The following ERGIC1 variants were observed in gnomAD, a reference collection of about 807,000 sequenced individuals.
ERGIC1 encodes the protein endoplasmic reticulum-Golgi intermediate compartment protein 1.
ERGIC1 carries 19 observed loss-of-function variants against 38.3 expected under a neutral mutation model. The ratio of observed to expected loss-of-function variants is 0.50; its 90% CI spans 0.35 to 0.73. The LOEUF (loss-of-function observed/expected upper bound fraction) is 0.73. ERGIC1 is among the 30% of genes least tolerant of loss of function. The pLI is 0.01. For synonymous variants in ERGIC1, 124 were observed against 157.6 expected (o/e 0.79, Z 1.60); for missense variants, 294 against 389.2 (o/e 0.76, Z 2.06).
In ERGIC1 at chr5:172,909,776, C is replaced by T; in HGVS notation, c.250+15C>T. The T allele has an allele frequency of 1.2e-6, 2 of 1,609,606 alleles. No individual in the cohort carries two copies. The highest frequency in any genetic ancestry group is 1.7e-6 in the Non-Finnish European group (2 of 1,175,856). ...GCACTGCGAGTGTGAGTACTCCACGCAGCCCCTCCCTCCAGCAGGACACCT... is the reference window on the plus strand; with the variant it reads ...GCACTGCGAGTGTGAGTACTCCACGTAGCCCCTCCCTCCAGCAGGACACCT... On this transcript the variant is annotated intron_variant, in intron 4 of 9. Transcript: ENST00000393784.
At chr5:172,936,827 G>A (rs1763895595) in intron 9 of ERGIC1, 1 of 151,974 alleles carries the variant, frequency 6.6e-6, no homozygotes, top group African/African-American at 2.4e-5. Context: ...GTGAAGGCTT[G>A]TCTCTAAGAA....
chr5:172,865,200 G>A (rs984986357), intron 1 of ERGIC1, among the ~76,000 whole-genome samples: 10 of 151,486 alleles, frequency 6.6e-5, no homozygotes, highest in Admixed American at 5.9e-4. Context: ...GATTACAGGC[G>A]CCCGCCACTA....
At chr5:172,939,783 C>G (rs1165001825) in intron 9 of ERGIC1, among the ~76,000 whole-genome samples, 1 of 152,198 alleles carries the variant, frequency 6.6e-6, no homozygotes, top group Non-Finnish European at 1.5e-5. Flanking sequence ...GCCGGCTGTC[C>G]CTGGCAGATG....
Position 172,834,387 on chromosome 5 carries a change from A to T in ERGIC1, c.-27A>T. On this transcript the variant is annotated 5_prime_UTR_variant, in exon 1 of 10. Coordinates refer to ENST00000393784, the MANE Select transcript of ERGIC1 (RefSeq NM_001031711.3). The surrounding 1 kb of genome is among the most constrained non-coding windows in gnomAD (Gnocchi z 4.1). ...CGGCGCCGCGGCCCGCCTGGCCTGCAGCGCTCCCACCCCCGGCGGCGGCAC... is the reference window on the plus strand; with the variant it reads ...CGGCGCCGCGGCCCGCCTGGCCTGCTGCGCTCCCACCCCCGGCGGCGGCAC... The T allele has an allele frequency of 2.3e-6, 3 of 1,312,824 alleles. No homozygotes were observed. Among genetic ancestry groups the T allele is most frequent in the South Asian group, 2.2e-5 (1 of 46,500 alleles). 81.3% of individuals were successfully genotyped at this position (1,312,824 alleles called of 1,614,324 possible). A position where few individuals can be genotyped will look rare whatever the true frequency, so the allele number is the denominator to read the frequency against.
chr5:172,877,749 C>T (rs1235662342), intron 1 of ERGIC1, among the ~76,000 whole-genome samples: 3 of 152,100 alleles, frequency 2.0e-5, no homozygotes, highest in African/African-American at 7.2e-5. Flanking sequence ...TGGATGACCT[C>T]CCGTCATTTG....
At chr5:172,861,986 T>A (rs1017040845) in intron 1 of ERGIC1, among the ~76,000 whole-genome samples, 6 of 151,874 alleles carry the variant, frequency 4.0e-5, no homozygotes, top group Non-Finnish European at 7.4e-5. Flanking sequence ...TTATTTATTT[T>A]TTAATTTTAT....
chr5:172,900,421 A>AG (rs1762841636), intron 3 of ERGIC1, among the ~76,000 whole-genome samples: 1 of 151,984 alleles, frequency 6.6e-6, no homozygotes, highest in African/African-American at 2.4e-5. Context: ...GAGGGGAGGA[A>AG]GGGGGCCAGG....
At chr5:172,870,868 CT>C (rs1761987721) in intron 1 of ERGIC1, among the ~76,000 whole-genome samples, 1 of 152,178 alleles carries the variant, frequency 6.6e-6, no homozygotes, top group Non-Finnish European at 1.5e-5. Context: ...CTCAGGTGAG[CT>C]CTTGGCTCAG....
intron 9 of ERGIC1, among the ~76,000 whole-genome samples, chr5:172,941,279 C>T (rs1764007312): frequency 6.6e-6 from 1 of 152,034 alleles, no homozygotes; most frequent in South Asian, 2.1e-4. Context: ...ATCATATTTT[C>T]CCTAGCCAGA....
At chr5:172,863,736 T>C (rs1007868453) in intron 1 of ERGIC1, among the ~76,000 whole-genome samples, 1 of 152,240 alleles carries the variant, frequency 6.6e-6, no homozygotes, top group African/African-American at 2.4e-5. Flanking sequence ...CCTCCTGGTA[T>C]GTTGTTATTC....
intron 1 of ERGIC1, among the ~76,000 whole-genome samples, chr5:172,872,676 G>A (rs1762045976): frequency 6.6e-6 from 1 of 152,202 alleles, no homozygotes; most frequent in African/African-American, 2.4e-5. Flanking sequence ...TTAGCCTGGT[G>A]TGGTGGCACA....
At chr5:172,914,874 C>G in intron 5 of ERGIC1, 36 bp downstream of exon 5, 1 of 1,613,574 alleles carries the variant, frequency 6.2e-7, no homozygotes. Flanking sequence ...TCTACCTGCT[C>G]CCCTTTCCTG....
At chr5:172,878,615 T>G (rs554756369) in intron 1 of ERGIC1, among the ~76,000 whole-genome samples, 67 of 152,274 alleles carry the variant, frequency 4.4e-4, no homozygotes, top group African/African-American at 1.5e-3. Context: ...TTGCTCCATC[T>G]GGGCTGGAGA....
chr5:172,871,124 G>T (rs1761996151), intron 1 of ERGIC1, among the ~76,000 whole-genome samples: 1 of 152,256 alleles, frequency 6.6e-6, no homozygotes, highest in Non-Finnish European at 1.5e-5. Flanking sequence ...CATGTGCCCG[G>T]TAGTAACAGG....
intron 1 of ERGIC1, among the ~76,000 whole-genome samples, chr5:172,880,355 T>C (rs1762250758): frequency 6.6e-6 from 1 of 152,104 alleles, no homozygotes; most frequent in South Asian, 2.1e-4. Context: ...GACAGGGTCT[T>C]ACTCTGTCTC....
chr5:172,925,937 C>T (rs922544729), intron 6 of ERGIC1, among the ~76,000 whole-genome samples: 1 of 152,144 alleles, frequency 6.6e-6, no homozygotes, highest in Non-Finnish European at 1.5e-5. Context: ...CCCCACTGCC[C>T]GGAGGAGGGT....
At chr5:172,849,439 G>A (rs1761350560) in intron 1 of ERGIC1, among the ~76,000 whole-genome samples, 1 of 152,288 alleles carries the variant, frequency 6.6e-6, no homozygotes, top group South Asian at 2.1e-4. Context: ...TATGTTCCCA[G>A]CGTAACTCTG....
intron 1 of ERGIC1, among the ~76,000 whole-genome samples, chr5:172,839,865 C>G (rs370512873): frequency 6.6e-6 from 1 of 152,170 alleles, no homozygotes; most frequent in East Asian, 1.9e-4. Context: ...GTTCCTGGAG[C>G]TGGGATTGGA....
intron 1 of ERGIC1, chr5:172,867,179 G>A: frequency 2.2e-6 from 1 of 455,772 alleles, no homozygotes; most frequent in African/African-American, 2.0e-5. Context: ...GCCACCTTGG[G>A]TGACCTTTAT....
Sources: gnomAD v4.1 joint callset for allele counts (sites outside exome capture counted in the v4.1 genomes callset) on GRCh38, gnomAD v4.1.1 for gene constraint, Gnocchi (gnomAD v3.1) non-coding constraint, MANE v1.5 for transcripts, NCBI Gene and HGNC (gene_info 2026-07-23, HGNC 2026-07-21) for gene names.